Variants in CCDC77 observed in about 807,000 individuals in gnomAD.
CCDC77 encodes the protein coiled-coil domain-containing protein 77.
In CCDC77, 56 loss-of-function variants were observed where a neutral mutation model predicts 66.8. The ratio of observed to expected loss-of-function variants is 0.84; its 90% CI spans 0.68 to 1.05. The LOEUF is 1.05. Among genes scored for constraint, CCDC77 ranks in the 50% least tolerant of loss-of-function variants. The pLI, the probability that CCDC77 is intolerant of heterozygous loss-of-function variation, is 0.00. For synonymous variants in CCDC77, 196 were observed against 195.2 expected, an observed-to-expected ratio of 1.00 and a Z score of -0.03; for missense variants, 570 against 576.8, an observed-to-expected ratio of 0.99 and a Z score of 0.12.
At chr12:430,047 G>A (rs1406508089) in intron 6 of CCDC77, among the ~76,000 whole-genome samples, 1 of 152,118 alleles carries the variant, frequency 6.6e-6, no homozygotes, top group Non-Finnish European at 1.5e-5. Flanking sequence ...AGGCTGGAGT[G>A]TAATGGTGCA....
intron 9 of CCDC77, chr12:436,793 G>A: frequency 1.0e-6 from 1 of 982,654 alleles, no homozygotes; most frequent in Non-Finnish European, 1.2e-6. Flanking sequence ...TTCCTAAGAA[G>A]GGCATGAAAT....
intron 5 of CCDC77, 37 bp downstream of exon 5, chr12:418,673 T>C: frequency 6.3e-7 from 1 of 1,588,534 alleles, no homozygotes; most frequent in Non-Finnish European, 8.6e-7. Context: ...GGAGTTTAAC[T>C]TTAAATTACA....
intron 4 of CCDC77, among the ~76,000 whole-genome samples, chr12:413,433 G>T (rs1362411987): frequency 6.7e-6 from 1 of 150,150 alleles, no homozygotes; most frequent in Admixed American, 6.7e-5. Context: ...TAGAGACAGG[G>T]TTTCACCGTG....
intron 1 of CCDC77, among the ~76,000 whole-genome samples, chr12:404,170 A>T (rs989820907): frequency 1.1e-4 from 16 of 152,158 alleles, no homozygotes; most frequent in African/African-American, 3.9e-4. Flanking sequence ...TACAAAAAAA[A>T]TTAGCCACAG....
Position 423,479 on chromosome 12 carries a change from G to GTTTTTTTTT in CCDC77, c.413+4844_413+4852dup, listed in dbSNP as rs1289177296. Reference sequence around the variant, plus strand: ...TCTGGGTGTTTTTTGTGTTTTTTGTGTTTTTTTTTGTTTTGTTTTTTTTTT... The same window carrying GTTTTTTTTT: ...TCTGGGTGTTTTTTGTGTTTTTTGTGTTTTTTTTTTTTTTTTTTGTTTTGTTTTTTTTTT... On this transcript the variant is annotated intron_variant, in intron 5 of 12. Transcript: ENST00000239830. Among the ~76,000 whole-genome samples the GTTTTTTTTT allele has an allele frequency of 8.9e-4, 19 of 21,240 alleles. 1 individual carries two copies. The highest frequency in any genetic ancestry group is 1.9e-3 in the African/African-American group (12 of 6,224). The allele number at this position is 21,240 out of a possible 152,430, so 13.9% of individuals were successfully genotyped here. A position where few individuals can be genotyped will look rare whatever the true frequency, so the allele number is the denominator to read the frequency against.
At chr12:425,895 C>T (rs1311931686) in intron 5 of CCDC77, among the ~76,000 whole-genome samples, 1 of 152,144 alleles carries the variant, frequency 6.6e-6, no homozygotes, top group Non-Finnish European at 1.5e-5. Context: ...GATGGCGTCT[C>T]AGTCTGTCAC....
chr12:400,924 T>G (rs1944885958), upstream of CCDC77, among the ~76,000 whole-genome samples: 1 of 152,200 alleles, frequency 6.6e-6, no homozygotes, highest in African/African-American at 2.4e-5. Context: ...AGTGCGAGCC[T>G]GTAGCAGATG....
chr12:440,251 G>A (rs1945834687), intron 10 of CCDC77, among the ~76,000 whole-genome samples: 1 of 152,182 alleles, frequency 6.6e-6, no homozygotes, highest in South Asian at 2.1e-4. Context: ...CTGCTCAATA[G>A]GGCATGTATA....
chr12:426,725 G>A (rs189460793), intron 5 of CCDC77, among the ~76,000 whole-genome samples: 12 of 152,114 alleles, frequency 7.9e-5, no homozygotes, highest in Middle Eastern at 3.4e-3. Context: ...TGGTCCCCAC[G>A]TGCCCCAGTG....
At chr12:400,810 G>C (rs971636436), upstream of CCDC77, among the ~76,000 whole-genome samples, 1 of 152,184 alleles carries the variant, frequency 6.6e-6, no homozygotes, top group African/African-American at 2.4e-5. Context: ...CACATAGTAA[G>C]CCTGTGCTGT....
intron 9 of CCDC77, among the ~76,000 whole-genome samples, chr12:436,115 C>CTTTTTTTTTT (rs1181059309): frequency 9.4e-6 from 1 of 106,176 alleles, no homozygotes; most frequent in Non-Finnish European, 1.8e-5. Context: ...GATCCTTTGT[C>CTTTTTTTTTT]TTTTTTTTTT....
Position 440,716 on chromosome 12 carries a change from G to C in CCDC77, c.1141G>C (p.Glu381Gln). The C allele has an allele frequency of 6.2e-7, 1 of 1,614,130 alleles. No individual in the cohort carries two copies. Among genetic ancestry groups the C allele is most frequent in the Non-Finnish European group, 8.5e-7 (1 of 1,180,050 alleles). The change falls in exon 11 of 13, where the codon GAG becomes CAG. Residue 381 changes from glutamate (E) to glutamine (Q), a missense_variant. Physicochemically the swap from Glu to Gln is conservative, Grantham distance 29 (BLOSUM62 2). Transcript: ENST00000239830. ...AGAACTTGCCCGAATTCGTGAGGAA[G>C]AGGGAATGAGGAGAGAGATCTTCAA... is the stretch of plus-strand genomic sequence containing the variant. ...EEELARIREE[E>Q]GMRREIFKDR...
At chr12:437,800 C>T (rs1196501837) in intron 9 of CCDC77, among the ~76,000 whole-genome samples, 6 of 142,478 alleles carry the variant, frequency 4.2e-5, no homozygotes, top group South Asian at 2.2e-4. Flanking sequence ...GAGCTGTGAT[C>T]GTGCCTCTGC....
At chr12:432,808 G>A (rs957994411) in intron 8 of CCDC77, among the ~76,000 whole-genome samples, 3 of 152,216 alleles carry the variant, frequency 2.0e-5, no homozygotes, top group African/African-American at 7.2e-5. Flanking sequence ...AGGCCAAGGC[G>A]AGTTGATTGC....
intron 4 of CCDC77, among the ~76,000 whole-genome samples, chr12:415,302 CATA>C (rs201801403): frequency 0.034 from 4,280 of 125,682 alleles, 460 homozygotes; most frequent in African/African-American, 0.12. Flanking sequence ...ATATAATCAA[CATA>C]ATATTATGTT....
chr12:409,716 C>T, intron 3 of CCDC77: 1 of 283,154 alleles, frequency 3.5e-6, no homozygotes, highest in South Asian at 5.8e-5. Context: ...GAAATGTTGG[C>T]CGGGCACGGT....
intron 10 of CCDC77, 121 bp downstream of exon 10, chr12:438,675 C>T (rs1945800303): frequency 4.4e-6 from 3 of 686,136 alleles, no homozygotes; most frequent in Non-Finnish European, 7.4e-6. Context: ...TAGCAGCTGC[C>T]TCAAGAACTA....
At chr12:428,437 GCA>G (rs1471886977) in intron 5 of CCDC77, among the ~76,000 whole-genome samples, 2 of 150,038 alleles carry the variant, frequency 1.3e-5, no homozygotes, top group Non-Finnish European at 3.0e-5. Flanking sequence ...CGTGAACCCG[GCA>G]GGCGGAGGTT....
rs762338201 is a variant in CCDC77 at position 428,742 on chromosome 12, T to C, written c.414-27T>C. The C allele has an allele frequency of 3.4e-6, 5 of 1,486,318 alleles. No homozygotes were observed. The African/African-American group carries it at 4.2e-5, about 13-fold the overall frequency. 92.1% of individuals were successfully genotyped at this position (1,486,318 alleles called of 1,614,324 possible). The stretch of plus-strand genomic sequence containing the variant: ...TACTTACTTGGGACATTTAATAATA[T>C]GTGCTTGCTTTCCATGAGAATTGCA... On this transcript the variant is annotated intron_variant, in intron 5 of 12. Coordinates refer to ENST00000239830, the MANE Select transcript of CCDC77 (RefSeq NM_032358.4).
Sources: allele counts gnomAD v4.1 joint callset (sites outside exome capture counted in the v4.1 genomes callset), GRCh38; gene constraint gnomAD v4.1.1; transcripts MANE v1.5; gene names NCBI Gene and HGNC (gene_info 2026-07-23, HGNC 2026-07-21).